The following TANC2 variants were observed in gnomAD, a reference collection of about 807,000 sequenced individuals.
The protein encoded by TANC2 is tetratricopeptide repeat, ankyrin repeat and coiled-coil containing 2.
In TANC2, 26 loss-of-function variants were observed where a neutral mutation model predicts 210.5. The observed-to-expected ratio is 0.12, with a 90% CI of 0.09 to 0.17. The LOEUF is 0.17. Among genes scored for constraint, TANC2 ranks in the 10% least tolerant of loss-of-function variants. The probability of loss-of-function intolerance (pLI) is 1.00; values close to 1 mark genes in which losing one functional copy is unlikely to be tolerated. For missense variants in TANC2, 2,129 were observed against 2,608.9 expected (o/e 0.82, Z 4.01); for synonymous variants, 931 against 967.1 (o/e 0.96, Z 0.69).
chr17:63,091,249 C>CA (rs1460687934), intron 3 of TANC2, among the ~76,000 whole-genome samples: 5 of 152,062 alleles, frequency 3.3e-5, no homozygotes, highest in Non-Finnish European at 7.4e-5. Context: ...CTTTTGTTGC[C>CA]ATTGCTTTTG....
intron 9 of TANC2, among the ~76,000 whole-genome samples, chr17:63,296,914 A>G (rs1038781727): frequency 6.6e-6 from 1 of 152,202 alleles, no homozygotes; most frequent in Non-Finnish European, 1.5e-5. Flanking sequence ...GAACAAGCCT[A>G]CAAGATCTGT....
At chr17:63,257,534 G>T (rs952950768) in intron 8 of TANC2, among the ~76,000 whole-genome samples, 1 of 151,902 alleles carries the variant, frequency 6.6e-6, no homozygotes, top group African/African-American at 2.4e-5. Flanking sequence ...ATTTTTTGTA[G>T]TGTTTTGTAG....
At chr17:63,116,706 C>A (rs1233086377) in intron 4 of TANC2, among the ~76,000 whole-genome samples, 2 of 152,162 alleles carry the variant, frequency 1.3e-5, no homozygotes, top group Admixed American at 6.5e-5. Context: ...ATATCTGATG[C>A]ATACCATCTG....
chr17:63,143,255 C>T (rs1442145634), intron 4 of TANC2, among the ~76,000 whole-genome samples: 1 of 152,006 alleles, frequency 6.6e-6, no homozygotes, highest in African/African-American at 2.4e-5. Flanking sequence ...GTGAAGTATC[C>T]CAATACTCTC....
At chr17:63,038,768 T>C (rs569708787) in intron 2 of TANC2, among the ~76,000 whole-genome samples, 1 of 152,302 alleles carries the variant, frequency 6.6e-6, no homozygotes, top group East Asian at 1.9e-4. Flanking sequence ...AAAAGGTGTA[T>C]TTAAAAGACC....
chr17:63,136,864 A>G, intron 4 of TANC2, among the ~76,000 whole-genome samples: 1 of 152,146 alleles, frequency 6.6e-6, no homozygotes, highest in Admixed American at 6.5e-5. Context: ...GCAGAGAATG[A>G]CAGTCTTGCT....
At chr17:63,142,820 A>T (rs1262103091) in intron 4 of TANC2, among the ~76,000 whole-genome samples, 2 of 152,200 alleles carry the variant, frequency 1.3e-5, no homozygotes, top group African/African-American at 4.8e-5. Flanking sequence ...TTATAATTCC[A>T]ATTGTTAATA....
At chr17:63,299,577 C>CT (rs1156613404) in intron 9 of TANC2, among the ~76,000 whole-genome samples, 1 of 113,134 alleles carries the variant, frequency 8.8e-6, no homozygotes, top group Non-Finnish European at 1.8e-5. Flanking sequence ...GCATAAATGT[C>CT]TTCTTTTGCG....
intron 3 of TANC2, among the ~76,000 whole-genome samples, chr17:63,078,839 C>A (rs999988674): frequency 6.6e-6 from 1 of 152,036 alleles, no homozygotes; most frequent in Admixed American, 6.6e-5. Context: ...GTTCTGTGTG[C>A]GCTTTAAAAG....
chr17:62,976,417 A>G (rs76326339), intron 1 of TANC2, among the ~76,000 whole-genome samples: 21,029 of 150,126 alleles, frequency 0.14, 1,892 homozygotes, highest in Middle Eastern at 0.2. Context: ...ATTGTATGTG[A>G]CAGTCAGTCA....
intron 4 of TANC2, among the ~76,000 whole-genome samples, chr17:63,106,946 A>G (rs1353818039): frequency 3.3e-5 from 5 of 151,594 alleles, no homozygotes; most frequent in African/African-American, 1.2e-4. Flanking sequence ...CTTTTGAAAT[A>G]TAGTAGCCTT....
At position 63,240,156 on chromosome 17, in the gene TANC2, C is replaced by T. The variant is rs191479914; in HGVS notation, c.1033+2079C>T. The stretch of plus-strand genomic sequence containing the variant: ...GAAAAGAAGCATGTAAATCCTTGCT[C>T]GTATATAAATAGAGGAATGTAACTA... On this transcript the variant is annotated intron_variant, in intron 8 of 27. Transcript: ENST00000689528. Among the ~76,000 whole-genome samples the T allele has an allele frequency of 1.9e-3, 290 of 152,210 alleles. 1 individual carries two copies. The highest frequency in any genetic ancestry group is 6.5e-3 in the African/African-American group (272 of 41,530).
At chr17:63,097,962 A>G (rs181021624) in intron 3 of TANC2, among the ~76,000 whole-genome samples, 241 of 152,164 alleles carry the variant, frequency 1.6e-3, no homozygotes, top group African/African-American at 5.6e-3. Context: ...TATTTATTAA[A>G]TTTTTAATTT....
chr17:63,176,202 AAG>A (rs1226773688), intron 5 of TANC2, among the ~76,000 whole-genome samples: 1 of 152,232 alleles, frequency 6.6e-6, no homozygotes, highest in Non-Finnish European at 1.5e-5. Context: ...GTGTTTTCCA[AAG>A]AGAAATTAAA....
chr17:63,135,612 C>T (rs1452206967), intron 4 of TANC2, among the ~76,000 whole-genome samples: 2 of 151,974 alleles, frequency 1.3e-5, no homozygotes, highest in Admixed American at 6.6e-5. Context: ...GATAGGATTT[C>T]TGGTAAATTT....
At chr17:63,011,773 T>C (rs1490048459) in intron 2 of TANC2, among the ~76,000 whole-genome samples, 2 of 152,142 alleles carry the variant, frequency 1.3e-5, no homozygotes, top group Non-Finnish European at 2.9e-5. Context: ...TTGCAAAATA[T>C]GACTTCTTTC....
chr17:63,084,408 T>A (rs2036885362), intron 3 of TANC2, among the ~76,000 whole-genome samples: 1 of 152,016 alleles, frequency 6.6e-6, no homozygotes, highest in African/African-American at 2.4e-5. Context: ...CTCCTCAATT[T>A]TATTGATCTT....
At chr17:63,205,161 C>CCTAAGACCTAA (rs2041659498) in intron 7 of TANC2, among the ~76,000 whole-genome samples, 1 of 151,796 alleles carries the variant, frequency 6.6e-6, no homozygotes, top group Admixed American at 6.6e-5. Flanking sequence ...TTTTGACAAG[C>CCTAAGACCTAA]GTCCTAAGAC....
chr17:63,042,565 A>G (rs1468860674), intron 2 of TANC2, among the ~76,000 whole-genome samples: 1 of 152,122 alleles, frequency 6.6e-6, no homozygotes. Context: ...TGAGGGAATG[A>G]CTGTTGTATA....
Sources: gnomAD v4.1 joint callset for allele counts (sites outside exome capture counted in the v4.1 genomes callset) on GRCh38, gnomAD v4.1.1 for gene constraint, MANE v1.5 for transcripts, NCBI Gene and HGNC (gene_info 2026-07-23, HGNC 2026-07-21) for gene names.